FRMD8: variants seen among roughly 807,000 people sequenced by gnomAD.
The protein encoded by FRMD8 is FERM domain-containing protein 8.
Under a neutral mutation model 54.2 loss-of-function variants are expected in FRMD8, and 37 were observed. The observed-to-expected ratio is 0.68, with a 90% CI of 0.53 to 0.90. The LOEUF is 0.90. FRMD8 is among the 40% of genes least tolerant of loss of function. FRMD8 has a pLI of 0.00. For missense variants in FRMD8, 585 were observed against 653.7 expected, an observed-to-expected ratio of 0.89 and a Z score of 1.15; for synonymous variants, 246 against 286.9, an observed-to-expected ratio of 0.86 and a Z score of 1.44.
chr11:65,370,593 C>A, the FRMD8 span, among the ~76,000 whole-genome samples: 1 of 151,292 alleles, frequency 6.6e-6, no homozygotes, highest in Non-Finnish European at 1.5e-5. Flanking sequence ...CCCAGCTACT[C>A]GGGAGGCTGA....
rs572993664 is a variant in FRMD8, at chr11:65,391,457, T to C, written c.253+1929T>C. 1.6e-3 allele frequency among the ~76,000 whole-genome samples: 246 copies of C among 152,310 alleles called. 2 individuals are homozygous for C. The Middle Eastern group carries it at 0.024, about 15-fold the overall frequency. ...CTCTCAGGCCACGTGGTATTCTAGA[T>C]GCTGGGAATACAGGAGGGAAGACCC... On this transcript the variant is annotated intron_variant, in intron 3 of 10. Coordinates refer to ENST00000317568, the MANE Select transcript of FRMD8 (RefSeq NM_031904.5).
At position 65,400,894 on chromosome 11, in the gene FRMD8, G is replaced by A. The variant is rs755174771; in HGVS notation, c.1071+27G>A. 3 of 1,567,286 alleles carry A rather than the reference G, an allele frequency of 1.9e-6. No homozygotes were observed. Among genetic ancestry groups the A allele is most frequent in the East Asian group, 4.6e-5 (2 of 43,908 alleles). Reference sequence around the variant, plus strand: ...TAGCGCGGGTGGTGCCTGCACACGGGTGGGGAGGCTGGGCCCAGGTGCCCT... The same window carrying A: ...TAGCGCGGGTGGTGCCTGCACACGGATGGGGAGGCTGGGCCCAGGTGCCCT... On this transcript the variant is annotated intron_variant, in intron 9 of 10. Coordinates refer to ENST00000317568, the MANE Select transcript of FRMD8 (RefSeq NM_031904.5). The surrounding 1 kb of genome is among the most constrained non-coding windows in gnomAD (Gnocchi z 4.3).
chr11:65,396,987 ATCTCC>A lies in FRMD8; in HGVS notation c.773_777del (p.Leu258GlnfsTer16). On this transcript the variant is annotated frameshift_variant, in exon 7 of 11. Coordinates refer to ENST00000317568, the MANE Select transcript of FRMD8 (RefSeq NM_031904.5). LOFTEE classifies it high-confidence loss of function. ...GCCCTGGGCACCCACTACCGCGCCTATCTCCTCAAGTGCCACGAGCTGCCGTTTTA... is the reference window on the plus strand; with the variant it reads ...GCCCTGGGCACCCACTACCGCGCCTATCAAGTGCCACGAGCTGCCGTTTTA... 6.8e-7 allele frequency: 1 copy of A among 1,481,394 alleles called. No homozygotes were observed. Among genetic ancestry groups the A allele is most frequent in the Non-Finnish European group, 9.0e-7 (1 of 1,111,274 alleles). 91.8% of individuals were successfully genotyped at this position (1,481,394 alleles called of 1,614,324 possible). A position where few individuals can be genotyped will look rare whatever the true frequency, so the allele number is the denominator to read the frequency against.
intron 10 of FRMD8, among the ~76,000 whole-genome samples, chr11:65,410,154 A>G (rs1856297476): frequency 6.6e-6 from 1 of 152,082 alleles, no homozygotes; most frequent in Non-Finnish European, 1.5e-5. Flanking sequence ...TCACGAAGTC[A>G]GGAGTTTGAG....
At chr11:65,407,754 A>G (rs1303254889) in intron 10 of FRMD8, among the ~76,000 whole-genome samples, 1 of 151,874 alleles carries the variant, frequency 6.6e-6, no homozygotes, top group Non-Finnish European at 1.5e-5. Flanking sequence ...AAAATTAGCC[A>G]GACGTGGTGG....
intron 10 of FRMD8, among the ~76,000 whole-genome samples, chr11:65,406,017 T>TTTAA (rs869180230): frequency 6.6e-6 from 1 of 151,630 alleles, no homozygotes; most frequent in African/African-American, 2.4e-5. Context: ...ATATATTTTT[T>TTTAA]TTAATTAATT....
chr11:65,396,851 C>A lies in FRMD8; in HGVS notation c.634C>A (p.Leu212Ile). Residue 212 changes from leucine to isoleucine, a missense_variant, in exon 7 of 11, where the codon CTC becomes ATC. Leu to Ile is a conservative substitution (Grantham distance 5). Transcript: ENST00000317568. ...CCACCTCTGTAAGCGGGGCCAGAGTCTCTTTGCTGCCCTCCGGGGCCGTGG... is the reference window on the plus strand; with the variant it reads ...CCACCTCTGTAAGCGGGGCCAGAGTATCTTTGCTGCCCTCCGGGGCCGTGG... ...PAHLCKRGQS[L>I]FAALRGRGAR... 1 of 1,564,912 alleles carries A rather than the reference C, an allele frequency of 6.4e-7. No individual in the cohort carries two copies. Among genetic ancestry groups the A allele is most frequent in the South Asian group, 1.2e-5 (1 of 84,756 alleles).
chr11:65,394,123 C>T, intron 5 of FRMD8, 24 bp downstream of exon 5: 1 of 1,612,838 alleles, frequency 6.2e-7, no homozygotes. Context: ...CCTGGTGGCC[C>T]CACCAGGCCT....
chr11:65,373,135 T>A, the FRMD8 span, among the ~76,000 whole-genome samples: 1 of 151,994 alleles, frequency 6.6e-6, no homozygotes, highest in Non-Finnish European at 1.5e-5. Flanking sequence ...GCACCTGTAG[T>A]CCCAGGCAGG....
chr11:65,386,387 C>A (rs565591337), upstream of FRMD8, among the ~76,000 whole-genome samples: 21 of 152,352 alleles, frequency 1.4e-4, no homozygotes, highest in South Asian at 4.1e-4. Flanking sequence ...TAGCCTGATT[C>A]TCGAATCTTC....
chr11:65,397,551 G>A (rs186562390), intron 7 of FRMD8, among the ~76,000 whole-genome samples: 37 of 152,352 alleles, frequency 2.4e-4, no homozygotes, highest in Non-Finnish European at 4.4e-4. Context: ...GATGCAGGAC[G>A]TTCTGAGGGC....
intron 3 of FRMD8, among the ~76,000 whole-genome samples, chr11:65,392,977 A>G (rs916128984): frequency 5.3e-5 from 8 of 152,200 alleles, no homozygotes; most frequent in East Asian, 1.9e-4. Context: ...AGATTTAAGA[A>G]GGCCAAGGTG....
intron 2 of FRMD8, among the ~76,000 whole-genome samples, chr11:65,388,883 C>G (rs1263090553): frequency 6.6e-6 from 1 of 152,242 alleles, no homozygotes; most frequent in Non-Finnish European, 1.5e-5. Flanking sequence ...AGCTCTCGCT[C>G]CTGCCAGCCA....
At chr11:65,393,462 C>T in intron 3 of FRMD8, 111 bp from the exon 4 acceptor site, 5 of 739,388 alleles carry the variant, frequency 6.8e-6, no homozygotes, top group Non-Finnish European at 1.2e-5. Flanking sequence ...TTGGCACCTG[C>T]TCAGTTACTA....
intron 7 of FRMD8, among the ~76,000 whole-genome samples, chr11:65,398,004 T>G (rs1376987896): frequency 6.6e-6 from 1 of 151,572 alleles, no homozygotes; most frequent in Non-Finnish European, 1.5e-5. Context: ...GCCTCCCAAG[T>G]AGCTGGGACT....
At chr11:65,399,989 C>T (rs1393209106) in intron 8 of FRMD8, 130 bp downstream of exon 8, 2 of 1,104,876 alleles carry the variant, frequency 1.8e-6, no homozygotes, top group East Asian at 2.6e-5. Flanking sequence ...ACCCTGCCTC[C>T]GTTGGATGTC....
At chr11:65,397,048 A>C (rs1855974264) in intron 7 of FRMD8, 28 bp downstream of exon 7, 2 of 1,272,446 alleles carry the variant, frequency 1.6e-6, no homozygotes, top group South Asian at 1.7e-5. Context: ...GCGGTCCCCC[A>C]CCCCCTCCGC....
rs1294104411 is a variant in FRMD8, at chr11:65,396,762, G to A, written c.582-37G>A. The A allele has an allele frequency of 2.2e-6, 3 of 1,388,452 alleles. No homozygotes were observed. In the South Asian group the frequency reaches 4.6e-5, roughly 21 times the overall value. 86.0% of individuals were successfully genotyped at this position (1,388,452 alleles called of 1,614,324 possible). Reference sequence around the variant, plus strand: ...CCTCCCCCGTGAGCCTGGCACCTCTGGTTGGGCCGCTAGCACCTGTCTTCC... The same window carrying A: ...CCTCCCCCGTGAGCCTGGCACCTCTAGTTGGGCCGCTAGCACCTGTCTTCC... On this transcript the variant is annotated intron_variant, in intron 6 of 10. Coordinates refer to ENST00000317568, the MANE Select transcript of FRMD8 (RefSeq NM_031904.5).
At chr11:65,401,395 C>T (rs1441150591) in intron 9 of FRMD8, among the ~76,000 whole-genome samples, 3 of 137,970 alleles carry the variant, frequency 2.2e-5, no homozygotes, top group Non-Finnish European at 4.7e-5. Context: ...GCCTCCCTCC[C>T]CTGCCCCTCC....
Sources: gnomAD v4.1 joint callset for allele counts (sites outside exome capture counted in the v4.1 genomes callset) on GRCh38, gnomAD v4.1.1 for gene constraint, Gnocchi (gnomAD v3.1) non-coding constraint, MANE v1.5 for transcripts, NCBI Gene and HGNC (gene_info 2026-07-23, HGNC 2026-07-21) for gene names.